Variants in CACFD1 observed in about 807,000 individuals in gnomAD.
The protein encoded by CACFD1 is calcium channel flower domain containing 1.
Under a neutral mutation model 21.3 loss-of-function variants are expected in CACFD1, and 26 were observed. That is an observed-to-expected ratio of 1.22 (90% CI 0.89 to 1.69). The LOEUF is 1.69. Among genes scored for constraint, CACFD1 ranks in the 40% most tolerant of loss-of-function variants. The pLI, the probability that CACFD1 is intolerant of heterozygous loss-of-function variation, is 0.00. For missense variants in CACFD1, 265 were observed against 236.2 expected (o/e 1.12, Z -0.80); for synonymous variants, 121 against 106.6 (o/e 1.13, Z -0.83).
rs782092585 is a variant in CACFD1, at chr9:133,463,421, C to T, written c.122-62C>T. 94 of 1,611,420 alleles carry T rather than the reference C, an allele frequency of 5.8e-5. 1 individual carries two copies. Among genetic ancestry groups the T allele is most frequent in the Non-Finnish European group, 7.2e-5 (85 of 1,179,648 alleles). ...GTCCTTTCCAGTCATCTCCCAAGGCCGCCTTCCCAGCGGGCTCCGCCTGCC... is the reference window on the plus strand; with the variant it reads ...GTCCTTTCCAGTCATCTCCCAAGGCTGCCTTCCCAGCGGGCTCCGCCTGCC... On this transcript the variant is annotated intron_variant, in intron 1 of 4. Coordinates refer to ENST00000316948, the MANE Select transcript of CACFD1 (RefSeq NM_017586.5).
chr9:133,467,593 GC>G (rs1843488949), intron 3 of CACFD1, among the ~76,000 whole-genome samples: 5 of 152,236 alleles, frequency 3.3e-5, no homozygotes, highest in South Asian at 4.1e-4. Context: ...TGGATGGGAA[GC>G]CAGATTCTCT....
chr9:133,460,501 G>T (rs1843146693), intron 1 of CACFD1, among the ~76,000 whole-genome samples: 1 of 151,804 alleles, frequency 6.6e-6, no homozygotes, highest in Non-Finnish European at 1.5e-5. Context: ...CACCGGCCTG[G>T]GGCACGTGAC....
chr9:133,467,903 C>T lies in CACFD1; in HGVS notation c.321-18C>T, dbSNP rs781815729. 4.4e-5 allele frequency: 70 copies of T among 1,594,956 alleles called. No individual in the cohort carries two copies. Among genetic ancestry groups the T allele is most frequent in the South Asian group, 4.2e-4 (38 of 90,674 alleles). On this transcript the variant is annotated intron_variant, in intron 3 of 4. Transcript: ENST00000316948. ...CTGTGGGGCCGGAGTGCCCCCTTGACCTCTGCTTTCCCCCCAGGATGGCGG... is the reference window on the plus strand; with the variant it reads ...CTGTGGGGCCGGAGTGCCCCCTTGATCTCTGCTTTCCCCCCAGGATGGCGG...
chr9:133,469,478 G>A lies in CACFD1; in HGVS notation c.*825G>A, dbSNP rs188850918. 1 of 152,448 alleles carries A rather than the reference G, an allele frequency of 6.6e-6. No individual in the cohort carries two copies. The highest frequency in any genetic ancestry group is 1.9e-4 in the East Asian group (1 of 5,184). 9.4% of individuals were successfully genotyped at this position (152,448 alleles called of 1,614,324 possible). On this transcript the variant is annotated 3_prime_UTR_variant, in exon 5 of 5. Transcript: ENST00000316948. Reference sequence around the variant, plus strand: ...GCCCAGCCCCATTAGTGGGTTAGTGGGTCTGACCTCAGCCCCACTCAGGTG... The same window carrying A: ...GCCCAGCCCCATTAGTGGGTTAGTGAGTCTGACCTCAGCCCCACTCAGGTG...
chr9:133,462,067 C>T, intron 1 of CACFD1: 2 of 1,298,572 alleles, frequency 1.5e-6, no homozygotes, highest in African/African-American at 1.5e-5. Context: ...CATCCTCCAG[C>T]CCTTTATTGC....
At position 133,461,851 on chromosome 9, in the gene CACFD1, G is replaced by A. The variant is rs587684465; in HGVS notation, c.122-1632G>A. 35 of 985,158 alleles carry A rather than the reference G, an allele frequency of 3.6e-5. No homozygotes were observed. In the South Asian group the frequency reaches 5.2e-4, roughly 15 times the overall value. The allele number at this position is 985,158 out of a possible 1,614,324, so 61.0% of individuals were successfully genotyped here. A position where few individuals can be genotyped will look rare whatever the true frequency, so the allele number is the denominator to read the frequency against. On this transcript the variant is annotated intron_variant, in intron 1 of 4. Coordinates refer to ENST00000316948, the MANE Select transcript of CACFD1 (RefSeq NM_017586.5). ...AAAATGCAGGGTGTTTTAGAGATGC[G>A]GCAGGAGTTCAGACAAGGGTTGTGT... is the stretch of plus-strand genomic sequence containing the variant.
Position 133,468,556 on chromosome 9 carries a change from TC to T in CACFD1, c.429-3del. ...CTCCACGTGACGCTGCCTCTCTCTCTCCCCAGGGGCGATGCGATCTCCTATG... is the reference window on the plus strand; with the variant it reads ...CTCCACGTGACGCTGCCTCTCTCTCTCCCAGGGGCGATGCGATCTCCTATG... On this transcript the variant is annotated splice_polypyrimidine_tract_variant and splice_region_variant and intron_variant, in intron 4 of 4. Coordinates refer to ENST00000316948, the MANE Select transcript of CACFD1 (RefSeq NM_017586.5). 1.3e-6 allele frequency: 2 copies of T among 1,572,802 alleles called. No homozygotes were observed.
intron 1 of CACFD1, 23 bp downstream of exon 1, chr9:133,460,210 G>C (rs587662076): frequency 7.9e-6 from 12 of 1,512,840 alleles, no homozygotes; most frequent in Non-Finnish European, 1.1e-5. Flanking sequence ...TCGGGGAGAG[G>C]GGCCGGCCCC....
In CACFD1 at chr9:133,468,663, C is replaced by A. The variant is rs781793507; in HGVS notation, c.*10C>A. The stretch of plus-strand genomic sequence containing the variant: ...GGAGGGGGAGCTGTGAAGGGCTGGG[C>A]GCCCCTCCCTCCCTGTCCCCTCTTC... On this transcript the variant is annotated 3_prime_UTR_variant, in exon 5 of 5. Transcript: ENST00000316948. The A allele has an allele frequency of 1.3e-6, 2 of 1,561,216 alleles. No homozygotes were observed. The highest frequency in any genetic ancestry group is 3.8e-5 in the Admixed American group (2 of 51,958).
chr9:133,460,506 C>T (rs1554798230), intron 1 of CACFD1, among the ~76,000 whole-genome samples: 1 of 102,558 alleles, frequency 9.8e-6, no homozygotes, highest in Admixed American at 1.1e-4. Context: ...GCCTGGGGCA[C>T]GTGACTGAGC....
Position 133,470,138 on chromosome 9 carries a change from T to A in CACFD1, c.*1485T>A, listed in dbSNP as rs1041681041. Reference sequence around the variant, plus strand: ...ATTATAGCCTGGTGGACATGTGCCTTCAGGGTTCCTCCGGGGCCACCTTCC... The same window carrying A: ...ATTATAGCCTGGTGGACATGTGCCTACAGGGTTCCTCCGGGGCCACCTTCC... On this transcript the variant is annotated 3_prime_UTR_variant, in exon 5 of 5. Transcript: ENST00000316948. The A allele has an allele frequency of 3.3e-5, 5 of 153,048 alleles. No homozygotes were observed. The highest frequency in any genetic ancestry group is 1.2e-4 in the African/African-American group (5 of 41,424). The allele number at this position is 153,048 out of a possible 1,614,324, so 9.5% of individuals were successfully genotyped here. A position where few individuals can be genotyped will look rare whatever the true frequency, so the allele number is the denominator to read the frequency against.
intron 2 of CACFD1, 60 bp downstream of exon 2, chr9:133,463,615 C>A: frequency 6.4e-7 from 1 of 1,557,738 alleles, no homozygotes; most frequent in Non-Finnish European, 8.8e-7. Flanking sequence ...CTGCTGGGCA[C>A]CTCCCGGGAC....
At position 133,468,987 on chromosome 9, in the gene CACFD1, T is replaced by A; in HGVS notation, c.*334T>A. On this transcript the variant is annotated 3_prime_UTR_variant, in exon 5 of 5. Coordinates refer to ENST00000316948, the MANE Select transcript of CACFD1 (RefSeq NM_017586.5). Reference sequence around the variant, plus strand: ...ACCTGGGAGCAGCTTCCCCTGGAGATGCTGGTCCTGGCTTGAGGGGAGGGG... The same window carrying A: ...ACCTGGGAGCAGCTTCCCCTGGAGAAGCTGGTCCTGGCTTGAGGGGAGGGG... 2.7e-6 allele frequency: 1 copy of A among 366,070 alleles called. No individual in the cohort carries two copies. The highest frequency in any genetic ancestry group is 4.9e-6 in the Non-Finnish European group (1 of 204,134). 22.7% of individuals were successfully genotyped at this position (366,070 alleles called of 1,614,324 possible).
rs1554799370 is a variant in CACFD1, at chr9:133,465,457, T to A, written c.320+10T>A. On this transcript the variant is annotated intron_variant, in intron 3 of 4. Coordinates refer to ENST00000316948, the MANE Select transcript of CACFD1 (RefSeq NM_017586.5). The surrounding 1 kb of genome is among the most constrained non-coding windows in gnomAD (Gnocchi z 5.0). ...CTGTCTTCTACTGCGGGTGAGGGGT[T>A]GCTGGGCAGGGTCCCGTGACACAGT... The A allele has an allele frequency of 6.2e-7, 1 of 1,602,602 alleles. No individual in the cohort carries two copies. Among genetic ancestry groups the A allele is most frequent in the South Asian group, 1.1e-5 (1 of 89,408 alleles).
At chr9:133,468,343 C>A (rs1843527649) in intron 4 of CACFD1, 1 of 1,535,594 alleles carries the variant, frequency 6.5e-7, no homozygotes, top group African/African-American at 1.4e-5. Context: ...CCTGCAGAGC[C>A]CAGACTGAGG....
intron 3 of CACFD1, among the ~76,000 whole-genome samples, chr9:133,467,608 A>ACAGGCTC (rs1418415817): frequency 6.6e-6 from 1 of 152,250 alleles, no homozygotes; most frequent in Non-Finnish European, 1.5e-5. Context: ...ATTCTCTGTC[A>ACAGGCTC]CAGGCTCTTT....
chr9:133,464,794 G>A (rs1449096842), intron 2 of CACFD1, among the ~76,000 whole-genome samples: 1 of 152,194 alleles, frequency 6.6e-6, no homozygotes, highest in Admixed American at 6.5e-5. Context: ...CCTGGGGCCG[G>A]TGGCATCAGG....
At position 133,465,388 on chromosome 9, in the gene CACFD1, C is replaced by T. The variant is rs1843394352; in HGVS notation, c.261C>T (p.Asn87=). 1 of 1,614,032 alleles carries T rather than the reference C, an allele frequency of 6.2e-7. No homozygotes were observed. The highest frequency in any genetic ancestry group is 8.5e-7 in the Non-Finnish European group (1 of 1,179,928). The part of the protein sequence containing the change: ...PFCCQFIEFA[N]TVAEKVDRLR... ...GCTGCCAGTTCATCGAGTTTGCAAACACAGTGGCGGAGAAGGTGGACCGGC... is the reference window on the plus strand; with the variant it reads ...GCTGCCAGTTCATCGAGTTTGCAAATACAGTGGCGGAGAAGGTGGACCGGC... The change falls in exon 3 of 5, where the codon AAC becomes AAT. Residue 87 remains asparagine, a synonymous_variant. Transcript: ENST00000316948. The surrounding 1 kb of genome is among the most constrained non-coding windows in gnomAD (Gnocchi z 5.0).
Position 133,465,536 on chromosome 9 carries a change from G to A in CACFD1, c.320+89G>A. Reference sequence around the variant, plus strand: ...CCCAAAAGTCAGGTGAGGGTGGGCAGTGTATTCAGTTCCTCTCTGTGGAAG... The same window carrying A: ...CCCAAAAGTCAGGTGAGGGTGGGCAATGTATTCAGTTCCTCTCTGTGGAAG... On this transcript the variant is annotated intron_variant, in intron 3 of 4. Transcript: ENST00000316948. This position sits in a 1 kb window ranked among gnomAD's most constrained non-coding sequence, Gnocchi z 5.0. The A allele has an allele frequency of 1.6e-6, 2 of 1,283,052 alleles. No homozygotes were observed. The highest frequency in any genetic ancestry group is 1.1e-6 in the Non-Finnish European group (1 of 913,854). 79.5% of individuals were successfully genotyped at this position (1,283,052 alleles called of 1,614,324 possible).
Sources: allele counts gnomAD v4.1 joint callset (sites outside exome capture counted in the v4.1 genomes callset), GRCh38; gene constraint gnomAD v4.1.1; non-coding constraint Gnocchi (gnomAD v3.1); transcripts MANE v1.5; gene names NCBI Gene and HGNC (gene_info 2026-07-23, HGNC 2026-07-21).